Variants in PPP1R9A observed in about 807,000 individuals in gnomAD.
The protein encoded by PPP1R9A is protein phosphatase 1 regulatory subunit 9A, also known as neurabin-1.
In PPP1R9A, 59 loss-of-function variants were observed where a neutral mutation model predicts 141.9. The ratio of observed to expected loss-of-function variants is 0.42; its 90% CI spans 0.34 to 0.52. The LOEUF (loss-of-function observed/expected upper bound fraction) is 0.52. PPP1R9A is among the 20% of genes least tolerant of loss of function. The pLI, the probability that PPP1R9A is intolerant of heterozygous loss-of-function variation, is 0.10. For synonymous variants in PPP1R9A, 500 were observed against 569.7 expected (o/e 0.88, Z 1.74); for missense variants, 1,444 against 1,611.9 (o/e 0.90, Z 1.78).
At chr7:95,201,925 G>A (rs1403991078) in intron 6 of PPP1R9A, among the ~76,000 whole-genome samples, 3 of 152,162 alleles carry the variant, frequency 2.0e-5, no homozygotes, top group African/African-American at 4.8e-5. Flanking sequence ...CTCTTAGTCA[G>A]CATTTTCTGC....
intron 2 of PPP1R9A, among the ~76,000 whole-genome samples, chr7:94,927,249 A>G (rs1793595663): frequency 6.6e-6 from 1 of 152,144 alleles, no homozygotes; most frequent in Admixed American, 6.5e-5. Context: ...GAATCTTAGT[A>G]TTTTCAGGGC....
chr7:94,934,511 A>G (rs1218423728), intron 2 of PPP1R9A, among the ~76,000 whole-genome samples: 2 of 151,344 alleles, frequency 1.3e-5, no homozygotes, highest in East Asian at 1.9e-4. Context: ...TTTTTTTGTC[A>G]AAAAGATCTG....
chr7:95,054,415 A>G (rs909601580), intron 2 of PPP1R9A, among the ~76,000 whole-genome samples: 1 of 151,942 alleles, frequency 6.6e-6, no homozygotes, highest in African/African-American at 2.4e-5. Flanking sequence ...GTGAGCCACC[A>G]TGCCTGGCTT....
intron 2 of PPP1R9A, among the ~76,000 whole-genome samples, chr7:95,085,775 T>A (rs1003085976): frequency 6.6e-6 from 1 of 151,990 alleles, no homozygotes; most frequent in Non-Finnish European, 1.5e-5. Flanking sequence ...ACTTGTATTT[T>A]CACTTGGTAT....
chr7:95,254,921 G>T (rs1799370766), intron 12 of PPP1R9A, among the ~76,000 whole-genome samples: 1 of 152,014 alleles, frequency 6.6e-6, no homozygotes, highest in Non-Finnish European at 1.5e-5. Flanking sequence ...GCCAACTCAA[G>T]TATTATTAAA....
intron 5 of PPP1R9A, among the ~76,000 whole-genome samples, chr7:95,192,528 C>G (rs1200460488): frequency 1.3e-5 from 2 of 151,878 alleles, no homozygotes; most frequent in Non-Finnish European, 2.9e-5. Context: ...TTGGCCTTGT[C>G]TAGATTAAAA....
chr7:95,229,073 C>T (rs537687124), intron 8 of PPP1R9A, among the ~76,000 whole-genome samples: 1 of 152,110 alleles, frequency 6.6e-6, no homozygotes, highest in Non-Finnish European at 1.5e-5. Flanking sequence ...CACAGCACTC[C>T]AGCCTGAGTG....
intron 2 of PPP1R9A, among the ~76,000 whole-genome samples, chr7:94,963,280 C>T (rs149532350): frequency 1.3e-5 from 2 of 151,980 alleles, no homozygotes; most frequent in Admixed American, 6.6e-5. Flanking sequence ...AAATGAAAAC[C>T]CTTTCTTAAT....
At chr7:94,944,445 A>ACCCCCCCCCCCC (rs1010581987) in intron 2 of PPP1R9A, among the ~76,000 whole-genome samples, 15 of 125,508 alleles carry the variant, frequency 1.2e-4, no homozygotes, top group Admixed American at 1.7e-4. Flanking sequence ...AGAAATATCC[A>ACCCCCCCCCCCC]CCCCCCCACC....
chr7:95,063,927 G>C (rs570663091), intron 2 of PPP1R9A, among the ~76,000 whole-genome samples: 2 of 152,168 alleles, frequency 1.3e-5, no homozygotes, highest in African/African-American at 4.8e-5. Context: ...GTTTTACCAT[G>C]TTAATTCACT....
intron 2 of PPP1R9A, among the ~76,000 whole-genome samples, chr7:95,027,694 A>G (rs1171806561): frequency 2.0e-5 from 3 of 152,242 alleles, no homozygotes; most frequent in South Asian, 2.1e-4. Flanking sequence ...CACCTAGGCT[A>G]TATGGTTTAG....
intron 2 of PPP1R9A, among the ~76,000 whole-genome samples, chr7:95,043,540 CCTACTT>C (rs1809556265): frequency 1.3e-5 from 2 of 152,244 alleles, no homozygotes; most frequent in South Asian, 4.1e-4. Flanking sequence ...GTGATCTCGA[CCTACTT>C]CTGCAGGCAC....
intron 12 of PPP1R9A, among the ~76,000 whole-genome samples, chr7:95,256,319 C>T (rs1181226020): frequency 1.3e-5 from 2 of 151,912 alleles, no homozygotes; most frequent in Non-Finnish European, 2.9e-5. Flanking sequence ...ATTGTTTTAA[C>T]ATTAGAAAAC....
intron 3 of PPP1R9A, among the ~76,000 whole-genome samples, chr7:95,113,369 C>A (rs1334513678): frequency 6.6e-6 from 1 of 151,968 alleles, no homozygotes; most frequent in Non-Finnish European, 1.5e-5. Context: ...ATTTCTTGTC[C>A]TTAAAAAGAA....
intron 2 of PPP1R9A, among the ~76,000 whole-genome samples, chr7:94,965,667 A>G (rs1050902014): frequency 6.6e-6 from 1 of 151,994 alleles, no homozygotes; most frequent in Non-Finnish European, 1.5e-5. Flanking sequence ...GTTCTGTTCC[A>G]TTGGTCTATA....
At chr7:95,161,832 T>G in intron 4 of PPP1R9A, 35 bp from the exon 5 acceptor site, 1 of 1,351,692 alleles carries the variant, frequency 7.4e-7, no homozygotes, top group Non-Finnish European at 1.0e-6. Flanking sequence ...ATTTTTTATG[T>G]AATTTATGTG....
At chr7:95,027,386 G>A (rs1807022412) in intron 2 of PPP1R9A, among the ~76,000 whole-genome samples, 1 of 152,102 alleles carries the variant, frequency 6.6e-6, no homozygotes, top group African/African-American at 2.4e-5. Flanking sequence ...GCCCCACCCT[G>A]CTTCGGCTCG....
At chr7:95,101,356 A>G (rs905785607) in intron 2 of PPP1R9A, among the ~76,000 whole-genome samples, 15 of 152,196 alleles carry the variant, frequency 9.9e-5, no homozygotes, top group Non-Finnish European at 2.2e-4. Flanking sequence ...AATGATCCTA[A>G]TATCTTCTAA....
chr7:94,933,057 GTGTCATATATATGTATATATA>G (rs551535339), intron 2 of PPP1R9A, among the ~76,000 whole-genome samples: 4 of 151,774 alleles, frequency 2.6e-5, no homozygotes, highest in African/African-American at 9.7e-5. Flanking sequence ...CACATATTTA[GTGTCATATATATGTATATATA>G]TGACATATAT....
Sources: allele counts gnomAD v4.1 joint callset (sites outside exome capture counted in the v4.1 genomes callset), GRCh38; gene constraint gnomAD v4.1.1; transcripts MANE v1.5; gene names NCBI Gene and HGNC (gene_info 2026-07-23, HGNC 2026-07-21).